STIM1: variants seen among roughly 807,000 people sequenced by gnomAD.
The protein encoded by STIM1 is stromal interaction molecule 1.
Under a neutral mutation model 74.7 loss-of-function variants are expected in STIM1, and 25 were observed. The observed-to-expected ratio is 0.33, with a 90% CI of 0.24 to 0.47. STIM1 has a LOEUF of 0.47. Ranked by LOEUF, STIM1 falls within the 20% of genes least tolerant of loss-of-function variation. The pLI, the probability that STIM1 is intolerant of heterozygous loss-of-function variation, is 1.00. For missense variants in STIM1, 728 were observed against 920.8 expected (o/e 0.79, Z 2.71); for synonymous variants, 328 against 348.8 (o/e 0.94, Z 0.66).
intron 7 of STIM1, among the ~76,000 whole-genome samples, chr11:4,081,185 A>G (rs4910882): frequency 0.69 from 105,187 of 152,174 alleles, 41,712 homozygotes; most frequent in South Asian, 0.91. Context: ...ACTGCTTTCA[A>G]TGCATCTTCT....
intron 2 of STIM1, among the ~76,000 whole-genome samples, chr11:4,013,366 G>T (rs189878777): frequency 1.4e-3 from 213 of 152,226 alleles, no homozygotes; most frequent in Middle Eastern, 6.8e-3. Context: ...ACTTTTCTTG[G>T]TTGGTAGGCT....
At chr11:3,873,623 A>C (rs536215060) in intron 1 of STIM1, among the ~76,000 whole-genome samples, 1 of 152,184 alleles carries the variant, frequency 6.6e-6, no homozygotes, top group South Asian at 2.1e-4. Flanking sequence ...GATTAGGTTC[A>C]GTATAGCCAC....
Position 3,983,873 on chromosome 11 carries a change from C to CT in STIM1, c.270+16203dup, listed in dbSNP as rs879879292. Among the ~76,000 whole-genome samples, 239 of 145,864 alleles carry CT rather than the reference C, an allele frequency of 1.6e-3. 1 individual carries two copies. The East Asian group carries it at 0.036, about 22-fold the overall frequency. On this transcript the variant is annotated intron_variant, in intron 2 of 12. Coordinates refer to ENST00000526596, the MANE Select transcript of STIM1 (RefSeq NM_001382567.1). ...CTCCTCCTCCTCCTCTTTCTCCTTT[C>CT]TTTTTTTTTTTTAGATGGAGTTTCC...
chr11:4,005,738 T>A (rs575482633), intron 2 of STIM1, among the ~76,000 whole-genome samples: 4 of 151,638 alleles, frequency 2.6e-5, no homozygotes, highest in African/African-American at 4.8e-5. Context: ...ATAATAATAA[T>A]AAAAAAGATT....
At chr11:3,857,869 T>A (rs539335149) in intron 1 of STIM1, among the ~76,000 whole-genome samples, 1 of 152,348 alleles carries the variant, frequency 6.6e-6, no homozygotes, top group South Asian at 2.1e-4. Flanking sequence ...AGGCCAGGGT[T>A]GCCCATGTGT....
chr11:4,090,409 G>GA (rs1170139392), intron 12 of STIM1, among the ~76,000 whole-genome samples: 1 of 152,164 alleles, frequency 6.6e-6, no homozygotes, highest in African/African-American at 2.4e-5. Context: ...GCAGAGTTCT[G>GA]AAAGAGACCC....
In STIM1 at chr11:4,092,941, TC is replaced by T. The variant is rs985897612; in HGVS notation, c.*1148del. 6.6e-6 allele frequency: 1 copy of T among 151,996 alleles called. No homozygotes were observed. Among genetic ancestry groups the T allele is most frequent in the African/African-American group, 2.4e-5 (1 of 41,342 alleles). 9.4% of individuals were successfully genotyped at this position (151,996 alleles called of 1,614,324 possible). A position where few individuals can be genotyped will look rare whatever the true frequency, so the allele number is the denominator to read the frequency against. On this transcript the variant is annotated 3_prime_UTR_variant, in exon 13 of 13. Transcript: ENST00000526596. ...GGTGAAGGCGGCTGTGTGACCACTT[TC>T]CCCCACCCTTCCCACCCTCTAGACA...
intron 2 of STIM1, among the ~76,000 whole-genome samples, chr11:3,981,156 C>T (rs1244634095): frequency 1.3e-5 from 2 of 152,190 alleles, no homozygotes; most frequent in African/African-American, 2.4e-5. Context: ...TCTTGAACTC[C>T]TGACCTTGTG....
At chr11:4,021,659 AT>A (rs1264682619) in intron 2 of STIM1, among the ~76,000 whole-genome samples, 2 of 152,222 alleles carry the variant, frequency 1.3e-5, no homozygotes. Context: ...GGCTTTGGCT[AT>A]TCAGGTTTCT....
intron 1 of STIM1, chr11:3,892,496 T>C (rs774209216): frequency 9.0e-6 from 14 of 1,561,378 alleles, no homozygotes; most frequent in Admixed American, 1.7e-5. Context: ...TTCTTTCGCC[T>C]TGCCAAAGAC....
intron 1 of STIM1, among the ~76,000 whole-genome samples, chr11:3,918,376 G>A (rs2092675464): frequency 6.6e-6 from 1 of 151,948 alleles, no homozygotes; most frequent in Non-Finnish European, 1.5e-5. Context: ...AATTAGCTGG[G>A]CGTGGTGGCT....
intron 2 of STIM1, among the ~76,000 whole-genome samples, chr11:3,999,987 A>C (rs931282894): frequency 6.6e-6 from 1 of 151,976 alleles, no homozygotes; most frequent in African/African-American, 2.4e-5. Context: ...GATTGCTAGC[A>C]CAGCAGTCTG....
At chr11:3,986,786 T>C (rs16929526) in intron 2 of STIM1, among the ~76,000 whole-genome samples, 2,445 of 152,326 alleles carry the variant, frequency 0.016, 70 homozygotes, top group African/African-American at 0.056. Context: ...CAGTAACATA[T>C]ACCTTCAATG....
chr11:3,902,840 C>T (rs1046128840), intron 1 of STIM1, among the ~76,000 whole-genome samples: 11 of 152,060 alleles, frequency 7.2e-5, no homozygotes, highest in African/African-American at 2.7e-4. Context: ...AGGAGCTGGG[C>T]AGATTGCAAT....
At chr11:4,012,109 C>T (rs2093843070) in intron 2 of STIM1, among the ~76,000 whole-genome samples, 1 of 152,178 alleles carries the variant, frequency 6.6e-6, no homozygotes, top group African/African-American at 2.4e-5. Context: ...CAGTACCATG[C>T]TGTTTTGGTT....
intron 1 of STIM1, among the ~76,000 whole-genome samples, chr11:3,901,096 C>G (rs1182009525): frequency 6.6e-6 from 1 of 152,126 alleles, no homozygotes; most frequent in Non-Finnish European, 1.5e-5. Context: ...GAGGTTGAGG[C>G]AGGAGAATTG....
chr11:4,078,950 T>C (rs1286358122), intron 7 of STIM1, among the ~76,000 whole-genome samples: 1 of 152,102 alleles, frequency 6.6e-6, no homozygotes, highest in Non-Finnish European at 1.5e-5. Context: ...ATTTAACCTA[T>C]TAGAAATTAA....
At chr11:4,025,933 A>G (rs1419736838) in intron 3 of STIM1, among the ~76,000 whole-genome samples, 2 of 152,218 alleles carry the variant, frequency 1.3e-5, no homozygotes, top group Non-Finnish European at 2.9e-5. Context: ...GAAATGATAT[A>G]TATGTACCCT....
intron 2 of STIM1, among the ~76,000 whole-genome samples, chr11:4,003,259 A>G (rs2093738789): frequency 6.7e-6 from 1 of 149,728 alleles, no homozygotes; most frequent in African/African-American, 2.4e-5. Context: ...TCATCCTGAT[A>G]CCAAAGCCGG....
Sources: gnomAD v4.1 joint callset for allele counts (sites outside exome capture counted in the v4.1 genomes callset) on GRCh38, gnomAD v4.1.1 for gene constraint, MANE v1.5 for transcripts, NCBI Gene and HGNC (gene_info 2026-07-23, HGNC 2026-07-21) for gene names.